The following BPTF variants were observed in gnomAD, a reference collection of about 807,000 sequenced individuals.
The protein encoded by BPTF is bromodomain PHD finger transcription factor, also known as nucleosome-remodeling factor subunit BPTF.
A neutral mutation model predicts 292.5 loss-of-function variants in BPTF; 18 were observed. The observed-to-expected ratio is 0.06, with a 90% confidence interval of 0.04 to 0.09. BPTF has a LOEUF of 0.09. Ranked by LOEUF, BPTF falls within the 10% of genes least tolerant of loss-of-function variation. The pLI, the probability that BPTF is intolerant of heterozygous loss-of-function variation, is 1.00. For missense variants in BPTF, 2,726 were observed against 3,498.7 expected (o/e 0.78, Z 5.57); for synonymous variants, 1,225 against 1,251.9 (o/e 0.98, Z 0.45).
Position 67,893,476 on chromosome 17 carries a change from A to G in BPTF, c.2162A>G (p.Lys721Arg), listed in dbSNP as rs1408483025. 1 of 1,614,160 alleles carries G rather than the reference A, an allele frequency of 6.2e-7. No homozygotes were observed. Among genetic ancestry groups the G allele is most frequent in the Non-Finnish European group, 8.5e-7 (1 of 1,180,000 alleles). ...NNYFKLGQEG[K>R]YRVYHNQYST... ...TATTTTAAATTGGGTCAAGAAGGGA[A>G]GTATCGCGTCTACCACAATCAATAC... The change falls in exon 6 of 28, where the codon AAG becomes AGG. Residue 721 changes from lysine (K) to arginine (R), a missense_variant. By Grantham distance (26) the Lys-to-Arg change is conservative. This residue lies in a region of BPTF where 63 missense variants were observed against 84.1 expected (regional missense o/e 0.75). Transcript: ENST00000306378.
At position 67,826,068 on chromosome 17, in the gene BPTF, C is replaced by T. The variant is rs2055987228; in HGVS notation, c.344C>T (p.Thr115Ile). ...GGCGGCGGCCACCTGGCCCGGACCA[C>T]CGCGGCCCGGAGGGCCGTCAACAAA... ...GGGGGHLART[T>I]AARRAVNKVV... The change falls in exon 1 of 28, where the codon ACC (threonine) becomes ATC (isoleucine). Residue 115 changes from threonine to isoleucine, a missense_variant. This residue lies in a region of BPTF where 153 missense variants were observed against 178.3 expected (regional missense o/e 0.86). Coordinates refer to ENST00000306378, the MANE Select transcript of BPTF (RefSeq NM_182641.4). 2 of 1,287,216 alleles carry T rather than the reference C, an allele frequency of 1.6e-6. No individual in the cohort carries two copies. The highest frequency in any genetic ancestry group is 1.5e-5 in the South Asian group (1 of 65,124). 79.7% of individuals were successfully genotyped at this position (1,287,216 alleles called of 1,614,324 possible).
intron 27 of BPTF, 192 bp from the exon 28 acceptor site, chr17:67,982,060 T>C: frequency 2.0e-6 from 1 of 497,330 alleles, no homozygotes; most frequent in South Asian, 2.1e-5. Flanking sequence ...CTATTATGTT[T>C]AGTGTACAGT....
At chr17:67,839,002 A>C (rs2144268478) in intron 1 of BPTF, among the ~76,000 whole-genome samples, 1 of 152,196 alleles carries the variant, frequency 6.6e-6, no homozygotes, top group East Asian at 1.9e-4. Flanking sequence ...GAATAATTTT[A>C]CTCTAGGAAT....
intron 20 of BPTF, 123 bp from the exon 21 acceptor site, chr17:67,945,286 C>T (rs1320933146): frequency 3.4e-6 from 5 of 1,484,798 alleles, no homozygotes; most frequent in South Asian, 1.4e-5. Context: ...TCCCAAGGTG[C>T]ACAGGTGTGA....
chr17:67,897,526 T>A lies in BPTF; in HGVS notation c.2543+3361T>A, dbSNP rs182361430. 4.9e-3 allele frequency among the ~76,000 whole-genome samples: 746 copies of A among 152,060 alleles called. 4 individuals are homozygous for A. Among genetic ancestry groups the A allele is most frequent in the African/African-American group, 0.016 (679 of 41,498 alleles). The stretch of plus-strand genomic sequence containing the variant: ...GAAAGAGTGGACCAAGATGGTGGAA[T>A]AAAAGTCCCCAACTCATCGTGCCCC... On this transcript the variant is annotated intron_variant, in intron 7 of 27. Transcript: ENST00000306378.
At chr17:67,873,512 C>T (rs181608011) in intron 3 of BPTF, among the ~76,000 whole-genome samples, 54 of 150,624 alleles carry the variant, frequency 3.6e-4, no homozygotes, top group African/African-American at 1.2e-3. Flanking sequence ...TCACAAATAG[C>T]GTACTCTAGT....
chr17:67,856,684 G>A (rs1451560900), intron 2 of BPTF, among the ~76,000 whole-genome samples: 3 of 151,950 alleles, frequency 2.0e-5, no homozygotes, highest in Non-Finnish European at 2.9e-5. Context: ...TGGCATGGAA[G>A]GGCCTTTTCC....
intron 16 of BPTF, 91 bp downstream of exon 16, chr17:67,928,692 A>G: frequency 2.8e-6 from 4 of 1,435,710 alleles, no homozygotes; most frequent in Non-Finnish European, 3.7e-6. Flanking sequence ...TTTTTTTAGA[A>G]GATTGTTTTT....
chr17:67,921,542 T>C (rs1038198991), intron 13 of BPTF, among the ~76,000 whole-genome samples: 2 of 151,800 alleles, frequency 1.3e-5, no homozygotes, highest in Non-Finnish European at 2.9e-5. Flanking sequence ...AATAAATAAA[T>C]AAATAAATAA....
intron 4 of BPTF, among the ~76,000 whole-genome samples, chr17:67,883,912 A>G (rs2060582032): frequency 6.6e-6 from 1 of 152,026 alleles, no homozygotes; most frequent in African/African-American, 2.4e-5. Context: ...TTTGTTTTTT[A>G]TAAATAAAAG....
Position 67,939,383 on chromosome 17 carries a change from T to C in BPTF, c.6260-1056T>C, listed in dbSNP as rs555515147. Among the ~76,000 whole-genome samples, 4 of 152,348 alleles carry C rather than the reference T, an allele frequency of 2.6e-5. No homozygotes were observed. The East Asian group carries it at 7.7e-4, about 29-fold the overall frequency. On this transcript the variant is annotated intron_variant, in intron 18 of 27. Coordinates refer to ENST00000306378, the MANE Select transcript of BPTF (RefSeq NM_182641.4). ...TAAAAGCTTGAGAAATTTGATGTTA[T>C]TCAGTAGTTAGTAATGAGTCTGTAA...
chr17:67,835,369 T>C (rs1246771471), intron 1 of BPTF, among the ~76,000 whole-genome samples: 2 of 152,212 alleles, frequency 1.3e-5, no homozygotes, highest in Non-Finnish European at 2.9e-5. Context: ...CCTGGACTCA[T>C]TGTAGTCAGT....
At chr17:67,906,498 C>T (rs2062208109) in intron 9 of BPTF, among the ~76,000 whole-genome samples, 1 of 152,144 alleles carries the variant, frequency 6.6e-6, no homozygotes, top group African/African-American at 2.4e-5. Context: ...AACTCAAGTT[C>T]AATGAGCCGA....
At chr17:67,897,050 G>A (rs1025909859) in intron 7 of BPTF, among the ~76,000 whole-genome samples, 21 of 151,834 alleles carry the variant, frequency 1.4e-4, no homozygotes, top group African/African-American at 4.8e-4. Context: ...AAAAGAGGCC[G>A]GGCATGGTGG....
At position 67,959,660 on chromosome 17, in the gene BPTF, C is replaced by A; in HGVS notation, c.8046C>A (p.Ala2682=). ...PVTPAPPAPP[A]PPPSPPPPPA... is the part of the protein sequence containing the mutation. The stretch of plus-strand genomic sequence containing the variant: ...CACCAGCTCCTCCAGCCCCTCCAGC[C>A]CCTCCACCTTCACCTCCCCCTCCAC... The change falls in exon 24 of 28, where the codon GCC becomes GCA. Residue 2682 remains alanine (A), a synonymous_variant. Transcript: ENST00000306378. 6.2e-7 allele frequency: 1 copy of A among 1,611,940 alleles called. No individual in the cohort carries two copies. Among genetic ancestry groups the A allele is most frequent in the Non-Finnish European group, 8.5e-7 (1 of 1,179,002 alleles).
chr17:67,869,290 CA>C (rs771285162), intron 3 of BPTF, among the ~76,000 whole-genome samples: 11 of 151,526 alleles, frequency 7.3e-5, no homozygotes, highest in Admixed American at 2.0e-4. Context: ...ATAGAAAAAA[CA>C]AAAAAATATT....
intron 26 of BPTF, among the ~76,000 whole-genome samples, chr17:67,969,616 C>G (rs1469198989): frequency 6.8e-6 from 1 of 146,578 alleles, no homozygotes; most frequent in Non-Finnish European, 1.5e-5. Context: ...GTTGAATATA[C>G]CTTAGCTTAT....
At chr17:67,945,196 C>T (rs1390981756) in intron 20 of BPTF, among the ~76,000 whole-genome samples, 8 of 152,138 alleles carry the variant, frequency 5.3e-5, no homozygotes, top group African/African-American at 1.9e-4. Context: ...CCACTATGCT[C>T]AGATAATTTT....
At position 67,948,037 on chromosome 17, in the gene BPTF, A is replaced by C. The variant is rs2065945405; in HGVS notation, c.7701-44A>C. ...GAAGAATGATGTCTTAAGCCTTTCA[A>C]AATGAAACGCCCAGCATTACATAGG... On this transcript the variant is annotated intron_variant, in intron 22 of 27. Transcript: ENST00000306378. 1.9e-6 allele frequency: 3 copies of C among 1,560,616 alleles called. No individual in the cohort carries two copies. The East Asian group carries it at 6.7e-5, about 35-fold the overall frequency.
Sources: gnomAD v4.1 joint callset for allele counts (sites outside exome capture counted in the v4.1 genomes callset) on GRCh38, gnomAD v4.1.1 for gene constraint, gnomAD v4.1.1 regional missense constraint, MANE v1.5 for transcripts, NCBI Gene and HGNC (gene_info 2026-07-23, HGNC 2026-07-21) for gene names.